Variants in MACROD2 observed in about 807,000 individuals in gnomAD.
The protein encoded by MACROD2 is ADP-ribose glycohydrolase MACROD2.
In MACROD2, 36 loss-of-function variants were observed where a neutral mutation model predicts 70.4. The ratio of observed to expected loss-of-function variants is 0.51; its 90% CI spans 0.39 to 0.68. The LOEUF (loss-of-function observed/expected upper bound fraction) is 0.68. MACROD2 is among the 30% of genes least tolerant of loss of function. The probability of loss-of-function intolerance (pLI) is 0.00; values close to 1 mark genes in which losing one functional copy is unlikely to be tolerated. For synonymous variants in MACROD2, 172 were observed against 178.8 expected, an observed-to-expected ratio of 0.96 and a Z score of 0.30; for missense variants, 496 against 538.4, an observed-to-expected ratio of 0.92 and a Z score of 0.78.
rs1002094618 is a variant in MACROD2, at chr20:14,128,099, G to A, written c.271+42371G>A. The A allele has an allele frequency of 1.5e-5, 8 of 548,696 alleles. No individual in the cohort carries two copies. The Middle Eastern group carries it at 9.1e-4, about 62-fold the overall frequency. The allele number at this position is 548,696 out of a possible 1,614,324, so 34.0% of individuals were successfully genotyped here. On this transcript the variant is annotated intron_variant, in intron 3 of 17. Coordinates refer to ENST00000684519, the MANE Select transcript of MACROD2 (RefSeq NM_001351661.2). ...GAGTATTATCTCAAGCAGTGGTCATGTGTGCTTGTTCACCAGAGAAGGTTG... is the reference window on the plus strand; with the variant it reads ...GAGTATTATCTCAAGCAGTGGTCATATGTGCTTGTTCACCAGAGAAGGTTG...
At chr20:14,262,608 A>C (rs570339091) in intron 3 of MACROD2, among the ~76,000 whole-genome samples, 20 of 152,172 alleles carry the variant, frequency 1.3e-4, no homozygotes, top group Non-Finnish European at 2.8e-4. Context: ...GTAGTTCTAG[A>C]AGAGAAGAAA....
At chr20:14,340,888 G>A (rs907755690) in intron 3 of MACROD2, among the ~76,000 whole-genome samples, 2 of 152,178 alleles carry the variant, frequency 1.3e-5, no homozygotes, top group African/African-American at 4.8e-5. Flanking sequence ...AATGTGAGAT[G>A]TTCACTAGTG....
At chr20:14,061,954 A>G (rs908749541) in intron 2 of MACROD2, among the ~76,000 whole-genome samples, 3 of 152,130 alleles carry the variant, frequency 2.0e-5, no homozygotes, top group Non-Finnish European at 4.4e-5. Context: ...CTAAATCCTG[A>G]TGTCTTGGCC....
chr20:15,987,264 G>C lies in MACROD2; in HGVS notation c.1153+106G>C, dbSNP rs2066499158. ...TCTCATGCAATTACAGTTTGTAAAG[G>C]GGGAAAACGAACATTTCCTTAACCC... On this transcript the variant is annotated intron_variant, in intron 15 of 17. Coordinates refer to ENST00000684519, the MANE Select transcript of MACROD2 (RefSeq NM_001351661.2). 3.3e-6 allele frequency: 3 copies of C among 903,170 alleles called. No individual in the cohort carries two copies. In the East Asian group the frequency reaches 8.3e-5, roughly 25 times the overall value. The allele number at this position is 903,170 out of a possible 1,614,324, so 55.9% of individuals were successfully genotyped here. A position where few individuals can be genotyped will look rare whatever the true frequency, so the allele number is the denominator to read the frequency against.
chr20:14,215,333 T>TACACAC (rs1208322168), intron 3 of MACROD2, among the ~76,000 whole-genome samples: 1 of 96,384 alleles, frequency 1.0e-5, no homozygotes, highest in East Asian at 2.6e-4. Context: ...TATGCCATCA[T>TACACAC]ATATACACAC....
intron 8 of MACROD2, among the ~76,000 whole-genome samples, chr20:15,764,181 C>A (rs2051483858): frequency 6.6e-6 from 1 of 152,120 alleles, no homozygotes; most frequent in South Asian, 2.1e-4. Flanking sequence ...GTTAAACTTG[C>A]CACTCAATTT....
intron 5 of MACROD2, among the ~76,000 whole-genome samples, chr20:15,177,126 C>T (rs1311706842): frequency 6.6e-6 from 1 of 152,186 alleles, no homozygotes; most frequent in African/African-American, 2.4e-5. Flanking sequence ...GCCTGGCTCA[C>T]CTTTGGTAGG....
At chr20:15,774,488 T>C (rs371433756) in intron 8 of MACROD2, among the ~76,000 whole-genome samples, 1 of 152,128 alleles carries the variant, frequency 6.6e-6, no homozygotes, top group African/African-American at 2.4e-5. Flanking sequence ...TCTGAACACT[T>C]TCTAGAGATT....
intron 5 of MACROD2, among the ~76,000 whole-genome samples, chr20:14,687,414 C>T (rs148676666): frequency 1.3e-5 from 2 of 152,226 alleles, no homozygotes; most frequent in East Asian, 3.9e-4. Context: ...ATTCAGTTTC[C>T]TTTGAATACA....
chr20:14,042,978 G>A (rs1569130746), intron 2 of MACROD2, among the ~76,000 whole-genome samples: 1 of 151,692 alleles, frequency 6.6e-6, no homozygotes, highest in African/African-American at 2.4e-5. Flanking sequence ...GAGTGCAGTG[G>A]TGTGAACACA....
At chr20:14,280,605 G>T (rs751602670) in intron 3 of MACROD2, among the ~76,000 whole-genome samples, 7 of 152,156 alleles carry the variant, frequency 4.6e-5, no homozygotes, top group Non-Finnish European at 7.4e-5. Flanking sequence ...ATTGACACAG[G>T]CACATTTAGC....
intron 4 of MACROD2, among the ~76,000 whole-genome samples, chr20:14,654,299 C>G (rs1214215243): frequency 6.6e-6 from 1 of 151,752 alleles, no homozygotes; most frequent in Non-Finnish European, 1.5e-5. Flanking sequence ...GTAATCCCAG[C>G]ACTTTGGGAG....
chr20:16,029,444 A>G (rs2067123253), intron 15 of MACROD2, among the ~76,000 whole-genome samples: 3 of 152,238 alleles, frequency 2.0e-5, no homozygotes, highest in African/African-American at 7.2e-5. Context: ...TCACATTTTA[A>G]AACCTTACTC....
intron 4 of MACROD2, among the ~76,000 whole-genome samples, chr20:14,545,540 A>G (rs1262541166): frequency 2.0e-5 from 3 of 152,224 alleles, no homozygotes; most frequent in Non-Finnish European, 4.4e-5. Context: ...TGGGCAAGAA[A>G]GCAAGTGAGA....
chr20:15,033,158 G>T (rs1347808406), intron 5 of MACROD2, among the ~76,000 whole-genome samples: 1 of 152,142 alleles, frequency 6.6e-6, no homozygotes, highest in African/African-American at 2.4e-5. Flanking sequence ...GGTGATGGTT[G>T]CACAAAACCG....
In MACROD2 at chr20:14,326,080, T is replaced by G; in HGVS notation, c.272-167399T>G. 1 of 1,613,872 alleles carries G rather than the reference T, an allele frequency of 6.2e-7. No individual in the cohort carries two copies. The highest frequency in any genetic ancestry group is 8.5e-7 in the Non-Finnish European group (1 of 1,179,878). On this transcript the variant is annotated intron_variant, in intron 3 of 17. Transcript: ENST00000684519. This position sits in a 1 kb window ranked among gnomAD's most constrained non-coding sequence, Gnocchi z 5.5. ...GGTTTCCATGGGAACCATGCATACTTTATAGGGTGAATCAGGCTCCAGGGC... is the reference window on the plus strand; with the variant it reads ...GGTTTCCATGGGAACCATGCATACTGTATAGGGTGAATCAGGCTCCAGGGC...
At chr20:14,389,353 C>T (rs959505735) in intron 3 of MACROD2, among the ~76,000 whole-genome samples, 5 of 137,066 alleles carry the variant, frequency 3.6e-5, no homozygotes, top group South Asian at 4.8e-4. Flanking sequence ...ACCCGGCAGG[C>T]GGAGGTTGCA....
Position 16,041,197 on chromosome 20 carries a change from C to T in MACROD2, c.1154-4C>T. ...TCAGGGACTGTGGTCTTTTTCTCTT[C>T]CAGCTCCAGGCGAGGACACACCTAG... On this transcript the variant is annotated splice_region_variant and splice_polypyrimidine_tract_variant and intron_variant, in intron 15 of 17. Transcript: ENST00000684519. 1.2e-6 allele frequency: 2 copies of T among 1,610,436 alleles called. No homozygotes were observed. Among genetic ancestry groups the T allele is most frequent in the South Asian group, 2.2e-5 (2 of 90,674 alleles).
chr20:14,672,165 G>C (rs1156300464), intron 4 of MACROD2, among the ~76,000 whole-genome samples: 2 of 152,188 alleles, frequency 1.3e-5, no homozygotes, highest in Non-Finnish European at 2.9e-5. Flanking sequence ...TCACTGTAAA[G>C]CTGGACAGTT....
Sources: allele counts gnomAD v4.1 joint callset (sites outside exome capture counted in the v4.1 genomes callset), GRCh38; gene constraint gnomAD v4.1.1; non-coding constraint Gnocchi (gnomAD v3.1); transcripts MANE v1.5; gene names NCBI Gene and HGNC (gene_info 2026-07-23, HGNC 2026-07-21).